RPH3A: variants seen among roughly 807,000 people sequenced by gnomAD.
The protein encoded by RPH3A is rabphilin-3A.
In RPH3A, 48 loss-of-function variants were observed where a neutral mutation model predicts 102.2. The observed-to-expected ratio is 0.47, with a 90% CI of 0.37 to 0.60. The LOEUF is 0.60. RPH3A is among the 20% of genes least tolerant of loss of function. The pLI is 0.00. For missense variants in RPH3A, 781 were observed against 910.1 expected (o/e 0.86, Z 1.83); for synonymous variants, 310 against 324.3 (o/e 0.96, Z 0.47).
At chr12:112,684,417 C>T (rs935887708) in intron 1 of RPH3A, among the ~76,000 whole-genome samples, 4 of 151,998 alleles carry the variant, frequency 2.6e-5, no homozygotes, top group Non-Finnish European at 5.9e-5. Context: ...TGCTACCATG[C>T]ACAGCCAATT....
At chr12:112,762,380 C>A (rs906890341) in intron 1 of RPH3A, among the ~76,000 whole-genome samples, 1 of 152,156 alleles carries the variant, frequency 6.6e-6, no homozygotes, top group Non-Finnish European at 1.5e-5. Flanking sequence ...CATTGACCTT[C>A]CCAGACTAAT....
Position 112,868,450 on chromosome 12 carries a change from G to A in RPH3A, c.465G>A (p.Ala155=), listed in dbSNP as rs143396986. The A allele has an allele frequency of 3.5e-5, 56 of 1,614,098 alleles. 1 individual carries two copies. Among genetic ancestry groups the A allele is most frequent in the South Asian group, 1.2e-4 (11 of 91,080 alleles). ...CCAAGGTGTGGAAGCGTTCTGGAGCGTGGTTCTTCAAAGGCTTCCCCAAAC... is the reference window on the plus strand; with the variant it reads ...CCAAGGTGTGGAAGCGTTCTGGAGCATGGTTCTTCAAAGGCTTCCCCAAAC... ...EQREVWKRSG[A]WFFKGFPKQV... The change falls in exon 8 of 22, where the codon GCG becomes GCA. Residue 155 remains alanine, a synonymous_variant. Transcript: ENST00000389385.
At chr12:112,876,578 C>A in intron 12 of RPH3A, 64 bp from the exon 13 acceptor site, 1 of 1,176,420 alleles carries the variant, frequency 8.5e-7, no homozygotes, top group South Asian at 1.6e-5. Context: ...TGAAAATGTC[C>A]CTAGGTGCTG....
intron 1 of RPH3A, among the ~76,000 whole-genome samples, chr12:112,735,367 G>C (rs116698323): frequency 0.012 from 1,854 of 152,276 alleles, 41 homozygotes; most frequent in African/African-American, 0.042. Context: ...GGGGAGAGAA[G>C]CTTAGAAACT....
chr12:112,636,187 G>C (rs957359500), intron 1 of RPH3A, among the ~76,000 whole-genome samples: 51 of 152,110 alleles, frequency 3.4e-4, no homozygotes, highest in African/African-American at 1.2e-3. Context: ...GGCTGTTTTA[G>C]CTCCTGCCAT....
intron 1 of RPH3A, among the ~76,000 whole-genome samples, chr12:112,720,442 C>T (rs1035137922): frequency 6.6e-6 from 1 of 152,170 alleles, no homozygotes; most frequent in Non-Finnish European, 1.5e-5. Context: ...ATTGGTAGCT[C>T]TTGCTAAATT....
intron 1 of RPH3A, among the ~76,000 whole-genome samples, chr12:112,648,009 A>G (rs2039943753): frequency 6.6e-6 from 1 of 152,202 alleles, no homozygotes. Flanking sequence ...TGACACTATA[A>G]AATATATTAA....
chr12:112,763,819 A>G (rs1447977042), intron 1 of RPH3A, among the ~76,000 whole-genome samples: 1 of 152,160 alleles, frequency 6.6e-6, no homozygotes, highest in Non-Finnish European at 1.5e-5. Context: ...GAATGCCCTT[A>G]GCTGCGAGAA....
chr12:112,879,770 A>C (rs966805456), intron 14 of RPH3A, among the ~76,000 whole-genome samples: 2 of 152,200 alleles, frequency 1.3e-5, no homozygotes, highest in African/African-American at 4.8e-5. Flanking sequence ...ATTGACTAGG[A>C]TTGAACCCCT....
chr12:112,782,135 C>A (rs886576070), intron 1 of RPH3A, among the ~76,000 whole-genome samples: 1 of 152,224 alleles, frequency 6.6e-6, no homozygotes, highest in African/African-American at 2.4e-5. Context: ...CTGTCCCATG[C>A]AGGCCCTTCA....
chr12:112,621,011 T>TA (rs2039718635), intron 1 of RPH3A, among the ~76,000 whole-genome samples: 2 of 142,180 alleles, frequency 1.4e-5, no homozygotes, highest in African/African-American at 5.3e-5. Context: ...AACATTATTA[T>TA]TTTTTTTTTT....
chr12:112,765,240 T>C (rs910422812), intron 1 of RPH3A, among the ~76,000 whole-genome samples: 1 of 137,490 alleles, frequency 7.3e-6, no homozygotes, highest in Non-Finnish European at 1.5e-5. Context: ...GTTTCAGTCA[T>C]GGTGATTGTG....
intron 1 of RPH3A, among the ~76,000 whole-genome samples, chr12:112,772,625 T>C (rs116914600): frequency 2.0e-3 from 311 of 152,282 alleles, no homozygotes; most frequent in Non-Finnish European, 3.1e-3. Flanking sequence ...GGTTGGTGCG[T>C]GGTAAGCGCT....
chr12:112,846,505 G>A (rs556532983), intron 4 of RPH3A, among the ~76,000 whole-genome samples: 6 of 152,220 alleles, frequency 3.9e-5, no homozygotes, highest in Non-Finnish European at 7.3e-5. Context: ...TAGCTAAGGT[G>A]GGGGGATGGC....
intron 1 of RPH3A, among the ~76,000 whole-genome samples, chr12:112,685,875 A>G (rs928797288): frequency 6.6e-6 from 1 of 152,228 alleles, no homozygotes; most frequent in African/African-American, 2.4e-5. Context: ...GCTGTGATCA[A>G]CTGGCAGATT....
At chr12:112,606,050 T>C (rs1383378027) in intron 1 of RPH3A, among the ~76,000 whole-genome samples, 2 of 152,206 alleles carry the variant, frequency 1.3e-5, no homozygotes, top group Non-Finnish European at 2.9e-5. Context: ...AGCTGAGGTG[T>C]TGAGCAGCCA....
In RPH3A at chr12:112,869,919, C is replaced by G; in HGVS notation, c.676C>G (p.Arg226Gly). Residue 226 changes from arginine to glycine, a missense_variant, in exon 10 of 22, where the codon CGA becomes GGA. Arg to Gly is a moderately radical substitution (Grantham distance 125). Around this residue, in one of 2 missense-constraint regions of RPH3A, gnomAD observed 730 missense variants for 810.0 expected, o/e 0.90. Transcript: ENST00000389385. ...CCCTGACCCAGCCTCTGCTCCCGGG[C>G]GAGGAAACTATGGGCCTCCCGTGCG... ...TGPDPASAPG[R>G]GNYGPPVRRA... The G allele has an allele frequency of 6.2e-7, 1 of 1,613,982 alleles. No individual in the cohort carries two copies. Among genetic ancestry groups the G allele is most frequent in the South Asian group, 1.1e-5 (1 of 91,042 alleles).
chr12:112,720,545 TG>T (rs1327699477), intron 1 of RPH3A, among the ~76,000 whole-genome samples: 1 of 152,230 alleles, frequency 6.6e-6, no homozygotes, highest in African/African-American at 2.4e-5. Context: ...GCTATTGCTG[TG>T]TAACAAACCA....
intron 1 of RPH3A, among the ~76,000 whole-genome samples, chr12:112,578,452 C>T (rs141111873): frequency 3.2e-4 from 48 of 152,188 alleles, no homozygotes; most frequent in Non-Finnish European, 6.5e-4. Flanking sequence ...TCCTAAGAAA[C>T]CAACCCAAAA....
Sources: allele counts gnomAD v4.1 joint callset (sites outside exome capture counted in the v4.1 genomes callset), GRCh38; gene constraint gnomAD v4.1.1; regional missense constraint gnomAD v4.1.1; transcripts MANE v1.5; gene names NCBI Gene and HGNC (gene_info 2026-07-23, HGNC 2026-07-21).